KLK8: variants seen among roughly 807,000 people sequenced by gnomAD.
The protein encoded by KLK8 is kallikrein related peptidase 8, also known as kallikrein-8.
A neutral mutation model predicts 26.7 loss-of-function variants in KLK8; 18 were observed. The ratio of observed to expected loss-of-function variants is 0.67; its 90% confidence interval spans 0.47 to 1.00. KLK8 has a LOEUF of 1.00. KLK8 is among the 50% of genes least tolerant of loss of function. KLK8 has a pLI of 0.00. For synonymous variants in KLK8, 137 were observed against 127.1 expected, an observed-to-expected ratio of 1.08 and a Z score of -0.52; for missense variants, 301 against 331.7, an observed-to-expected ratio of 0.91 and a Z score of 0.72.
At chr19:51,001,303 G>A (rs2091224245) in intron 2 of KLK8, 128 bp from the exon 2 acceptor site, 2 of 726,786 alleles carry the variant, frequency 2.8e-6, no homozygotes, top group Non-Finnish European at 4.7e-6. Context: ...GAGGAAGGAG[G>A]AGGCTGGGGG....
chr19:50,997,128 A>T (rs551051514), intron 6 of KLK8, among the ~76,000 whole-genome samples: 2 of 152,320 alleles, frequency 1.3e-5, no homozygotes, highest in African/African-American at 4.8e-5. Flanking sequence ...GGAAGTGGAC[A>T]AAGCCAGGGG....
chr19:50,996,339 A>G (rs2091165793), intron 6 of KLK8, 125 bp from the exon 6 acceptor site: 1 of 991,572 alleles, frequency 1.0e-6, no homozygotes, highest in African/African-American at 1.6e-5. Context: ...GGGTAAAAGC[A>G]TTGTCCCCTG....
chr19:50,996,927 CACACACA>C (rs2091175256), intron 6 of KLK8, among the ~76,000 whole-genome samples: 4 of 150,708 alleles, frequency 2.7e-5, no homozygotes, highest in Admixed American at 6.6e-5. Flanking sequence ...CACACACACA[CACACACA>C]CACACCATAT....
intron 3 of KLK8, among the ~76,000 whole-genome samples, chr19:51,000,874 A>G (rs2091217917): frequency 6.6e-6 from 1 of 152,172 alleles, no homozygotes. Flanking sequence ...GGCTGTAGCT[A>G]TTCAGACAAT....
At chr19:50,999,841 G>A (rs77397448) in intron 5 of KLK8, among the ~76,000 whole-genome samples, 155 bp downstream of exon 4, 7,061 of 151,798 alleles carry the variant, frequency 0.047, 201 homozygotes, top group Middle Eastern at 0.068. Flanking sequence ...TCAGATCTTC[G>A]AGGCTTCTCA....
chr19:51,000,400 C>A, intron 4 of KLK8, 24 bp downstream of exon 3: 1 of 1,588,484 alleles, frequency 6.3e-7, no homozygotes. Flanking sequence ...CCCCAGCTGA[C>A]CTCTGCCCCC....
intron 6 of KLK8, 72 bp downstream of exon 5, chr19:50,997,679 C>G: frequency 1.3e-6 from 2 of 1,571,150 alleles, no homozygotes; most frequent in Non-Finnish European, 1.7e-6. Flanking sequence ...CCACCCCCAC[C>G]CCCATCCAAG....
At chr19:50,999,785 T>C (rs2091204067) in intron 5 of KLK8, among the ~76,000 whole-genome samples, 1 of 151,950 alleles carries the variant, frequency 6.6e-6, no homozygotes, top group South Asian at 2.1e-4. Flanking sequence ...TGGCCCTGCT[T>C]AACAATCTGC....
intron 5 of KLK8, chr19:50,998,960 GCGAGCA>G (rs1303524017): frequency 1.1e-4 from 16 of 152,238 alleles, no homozygotes; most frequent in African/African-American, 3.9e-4. Context: ...TACTTGATTT[GCGAGCA>G]CGTGTGTTTC....
rs2091207131 is a variant in KLK8, at chr19:51,000,069, G to A, written c.420C>T (p.Ser140=). 7 of 1,613,946 alleles carry A rather than the reference G, an allele frequency of 4.3e-6. No homozygotes were observed. The African/African-American group carries it at 5.3e-5, about 12-fold the overall frequency. Residue 140 remains serine, a synonymous_variant, in exon 5 of 7, where the codon AGC becomes AGT. Coordinates refer to ENST00000600767, the Ensembl canonical transcript of KLK8. ...CAGGCTGGGTGCAATGATCTGCCAG[G>A]CTGATGGGCTTCACTTTGGACCCCA...
At chr19:50,996,297 CT>C in intron 6 of KLK8, 83 bp from the exon 6 acceptor site, 1 of 1,488,862 alleles carries the variant, frequency 6.7e-7, no homozygotes, top group Non-Finnish European at 9.2e-7. Context: ...TTTACCAGTT[CT>C]TTGGCATGAT....
chr19:50,996,388 A>C (rs1033276506), intron 6 of KLK8, among the ~76,000 whole-genome samples, 174 bp from the exon 6 acceptor site: 17 of 152,206 alleles, frequency 1.1e-4, no homozygotes, highest in Non-Finnish European at 1.6e-4. Context: ...CCATGTACAG[A>C]CAGACATGGT....
chr19:51,001,215 G>A, intron 2 of KLK8, 40 bp from the exon 2 acceptor site: 2 of 1,567,156 alleles, frequency 1.3e-6, no homozygotes, highest in Non-Finnish European at 1.7e-6. Flanking sequence ...ACAGGAAGGA[G>A]GAGCCTGAGC....
chr19:51,000,377 C>A, intron 4 of KLK8, 47 bp downstream of exon 3: 1 of 1,561,216 alleles, frequency 6.4e-7, no homozygotes, highest in Non-Finnish European at 8.7e-7. Flanking sequence ...CCCCAGCCCC[C>A]TCTTTCCTTA....
exon 6 of KLK8, chr19:50,997,795 C>T (rs763106572): frequency 6.2e-7 from 1 of 1,614,152 alleles, no homozygotes; most frequent in Admixed American, 1.7e-5. Context: ...CAGACCATGC[C>T]ATCTGTGATC....
At chr19:50,997,654 G>A in intron 6 of KLK8, 97 bp downstream of exon 5, 1 of 1,394,702 alleles carries the variant, frequency 7.2e-7, no homozygotes, top group Non-Finnish European at 9.8e-7. Context: ...CCAAGTCTTT[G>A]GGGTCACTCC....
intron 6 of KLK8, among the ~76,000 whole-genome samples, chr19:50,997,420 C>A (rs1243131468): frequency 1.3e-5 from 2 of 152,132 alleles, no homozygotes; most frequent in African/African-American, 4.8e-5. Flanking sequence ...AGAGAGCAGG[C>A]AACTCGTCTA....
intron 3 of KLK8, chr19:51,000,793 G>C: frequency 7.1e-7 from 1 of 1,418,380 alleles, no homozygotes; most frequent in Non-Finnish European, 9.5e-7. Context: ...GCCCCCACAT[G>C]CTTCCACATG....
In KLK8 at chr19:51,000,269, G is replaced by A. The variant is rs368673746; in HGVS notation, c.231-11C>T. On this transcript the variant is annotated splice_polypyrimidine_tract_variant and intron_variant, in intron 4 of 6. Transcript: ENST00000600767. ...CGTACTGTGTATTTCCTGTAATGGTGGGGATAGTTTGGGACCCAGGCAGGG... is the reference window on the plus strand; with the variant it reads ...CGTACTGTGTATTTCCTGTAATGGTAGGGATAGTTTGGGACCCAGGCAGGG... 69 of 1,565,640 alleles carry A rather than the reference G, an allele frequency of 4.4e-5. 1 individual carries two copies. The African/African-American group carries it at 8.4e-4, about 19-fold the overall frequency.
Sources: allele counts gnomAD v4.1 joint callset (sites outside exome capture counted in the v4.1 genomes callset), GRCh38; gene constraint gnomAD v4.1.1; transcripts MANE v1.5; gene names NCBI Gene and HGNC (gene_info 2026-07-23, HGNC 2026-07-21).